Variants in PIP4K2A observed in about 807,000 individuals in gnomAD.
PIP4K2A encodes phosphatidylinositol 5-phosphate 4-kinase type-2 alpha.
Under a neutral mutation model 42.9 loss-of-function variants are expected in PIP4K2A, and 14 were observed. That is an observed-to-expected ratio of 0.33 (90% confidence interval 0.22 to 0.51). The LOEUF is 0.51. Among genes scored for constraint, PIP4K2A ranks in the 20% least tolerant of loss-of-function variants. PIP4K2A has a pLI of 0.97. For missense variants in PIP4K2A, 434 were observed against 519.8 expected, an observed-to-expected ratio of 0.83 and a Z score of 1.61; for synonymous variants, 192 against 192.2, an observed-to-expected ratio of 1.00 and a Z score of 0.01.
intron 1 of PIP4K2A, among the ~76,000 whole-genome samples, chr10:22,635,566 T>G (rs180909974): frequency 6.6e-6 from 1 of 152,162 alleles, no homozygotes; most frequent in African/African-American, 2.4e-5. Context: ...ACACTTGGAT[T>G]TGGATTCTTA....
Position 22,553,789 on chromosome 10 carries a change from C to CTT in PIP4K2A, c.679-3019_679-3018dup, listed in dbSNP as rs3074629. 1.9e-3 allele frequency among the ~76,000 whole-genome samples: 227 copies of CTT among 118,512 alleles called. 2 individuals carry two copies. Among genetic ancestry groups the CTT allele is most frequent in the African/African-American group, 3.7e-3 (117 of 31,298 alleles). 77.7% of individuals were successfully genotyped at this position (118,512 alleles called of 152,430 possible). ...GAAATGGGTATTACAGGTTGAAAAA[C>CTT]TTTTTTTTTTTTTTTTTTTTTTTTA... On this transcript the variant is annotated intron_variant, in intron 6 of 9. Transcript: ENST00000376573.
At chr10:22,636,500 C>T (rs752397198) in intron 1 of PIP4K2A, among the ~76,000 whole-genome samples, 2 of 152,166 alleles carry the variant, frequency 1.3e-5, no homozygotes, top group Non-Finnish European at 2.9e-5. Flanking sequence ...TGGCCTCAAG[C>T]GATTCTCCTG....
chr10:22,565,395 C>T (rs1836822326), intron 6 of PIP4K2A, among the ~76,000 whole-genome samples: 1 of 152,204 alleles, frequency 6.6e-6, no homozygotes, highest in African/African-American at 2.4e-5. Flanking sequence ...TAAATTAATA[C>T]TTTTGTAATT....
In PIP4K2A at chr10:22,670,474, A is replaced by T. The variant is rs146659515; in HGVS notation, c.144+43709T>A. On this transcript the variant is annotated intron_variant, in intron 1 of 9. Transcript: ENST00000376573. The stretch of plus-strand genomic sequence containing the variant: ...GTGACCTTCCTTCTATGGGGTGTTC[A>T]CTACAAAGACAGGGGTTCATTTATT... 7.7e-3 allele frequency among the ~76,000 whole-genome samples: 1,167 copies of T among 152,342 alleles called. 5 individuals are homozygous for T. The highest frequency in any genetic ancestry group is 0.012 in the Non-Finnish European group (798 of 68,028).
chr10:22,614,395 G>C (rs1307389583), intron 1 of PIP4K2A, among the ~76,000 whole-genome samples: 1 of 152,124 alleles, frequency 6.6e-6, no homozygotes, highest in African/African-American at 2.4e-5. Context: ...TGAGTAGTGC[G>C]GCAGGATACT....
intron 4 of PIP4K2A, among the ~76,000 whole-genome samples, chr10:22,587,043 C>T (rs954743363): frequency 6.6e-6 from 1 of 152,184 alleles, no homozygotes; most frequent in African/African-American, 2.4e-5. Context: ...AGTCCTTGCT[C>T]TTGAACCACC....
chr10:22,686,111 A>G (rs1457256506), intron 1 of PIP4K2A, among the ~76,000 whole-genome samples: 1 of 152,108 alleles, frequency 6.6e-6, no homozygotes, highest in East Asian at 1.9e-4. Flanking sequence ...GTGTTTATCC[A>G]TCCTGTCTAT....
chr10:22,654,715 G>A (rs1392565834), intron 1 of PIP4K2A, among the ~76,000 whole-genome samples: 1 of 152,150 alleles, frequency 6.6e-6, no homozygotes, highest in Non-Finnish European at 1.5e-5. Flanking sequence ...GACCAGGGTT[G>A]TATAATTCTG....
In PIP4K2A at chr10:22,588,952, T is replaced by G. The variant is rs1837454970; in HGVS notation, c.492+2677A>C. 2.6e-5 allele frequency among the ~76,000 whole-genome samples: 4 copies of G among 152,204 alleles called. No individual in the cohort carries two copies. The South Asian group carries it at 8.3e-4, about 31-fold the overall frequency. On this transcript the variant is annotated intron_variant, in intron 4 of 9. Transcript: ENST00000376573. Reference sequence around the variant, plus strand: ...TGTTAAAGCCCCTGGGAGGTGTCAATAGACTTATTTTGATCCCACACTTAT... The same window carrying G: ...TGTTAAAGCCCCTGGGAGGTGTCAAGAGACTTATTTTGATCCCACACTTAT...
chr10:22,568,710 G>T (rs781341772), intron 5 of PIP4K2A, among the ~76,000 whole-genome samples: 2 of 152,170 alleles, frequency 1.3e-5, no homozygotes, highest in Non-Finnish European at 2.9e-5. Context: ...AGTCCAAGCA[G>T]AGAAACTTCC....
chr10:22,675,659 A>G (rs1362174064), intron 1 of PIP4K2A, among the ~76,000 whole-genome samples: 3 of 152,222 alleles, frequency 2.0e-5, no homozygotes, highest in Admixed American at 6.5e-5. Flanking sequence ...ACAAGCCATT[A>G]TAAGTAATGA....
intron 1 of PIP4K2A, chr10:22,642,166 C>T (rs1838795522): frequency 6.6e-6 from 1 of 152,194 alleles, no homozygotes; most frequent in African/African-American, 2.4e-5. Flanking sequence ...CAGCCACATC[C>T]CTTGCTCCAC....
intron 9 of PIP4K2A, among the ~76,000 whole-genome samples, chr10:22,538,763 G>A (rs1248166950): frequency 6.6e-6 from 1 of 151,764 alleles, no homozygotes; most frequent in African/African-American, 2.4e-5. Flanking sequence ...TCTGTTGGGG[G>A]GAAGCCACCA....
chr10:22,581,015 A>G (rs72816826), intron 4 of PIP4K2A, among the ~76,000 whole-genome samples: 12,967 of 152,302 alleles, frequency 0.085, 635 homozygotes, highest in Middle Eastern at 0.22. Flanking sequence ...ACACTGAACA[A>G]TGCTGGCCGT....
chr10:22,653,691 A>G (rs992236461), intron 1 of PIP4K2A, among the ~76,000 whole-genome samples: 1 of 152,126 alleles, frequency 6.6e-6, no homozygotes, highest in South Asian at 2.1e-4. Flanking sequence ...AGGTGGGTGG[A>G]TCACTTGAGG....
intron 1 of PIP4K2A, among the ~76,000 whole-genome samples, chr10:22,637,266 G>A (rs779270501): frequency 3.3e-5 from 5 of 152,082 alleles, no homozygotes; most frequent in African/African-American, 7.2e-5. Context: ...TTTTCAAACC[G>A]TTATATCCTC....
chr10:22,567,814 C>A (rs1380813243), intron 6 of PIP4K2A, 37 bp downstream of exon 6: 3 of 1,555,848 alleles, frequency 1.9e-6, no homozygotes, highest in African/African-American at 2.7e-5. Context: ...GTGATCATGC[C>A]CCCAGGACAT....
At chr10:22,703,912 T>C (rs1372047997) in intron 1 of PIP4K2A, among the ~76,000 whole-genome samples, 1 of 152,166 alleles carries the variant, frequency 6.6e-6, no homozygotes, top group Non-Finnish European at 1.5e-5. Context: ...CTTGAGCACC[T>C]GGGTCTATGG....
chr10:22,621,208 T>A (rs908813555), intron 1 of PIP4K2A, among the ~76,000 whole-genome samples: 1 of 152,084 alleles, frequency 6.6e-6, no homozygotes, highest in Admixed American at 6.5e-5. Context: ...TAATCCAACA[T>A]CCTTTCCAGA....
Sources: allele counts gnomAD v4.1 joint callset (sites outside exome capture counted in the v4.1 genomes callset), GRCh38; gene constraint gnomAD v4.1.1; transcripts MANE v1.5; gene names NCBI Gene and HGNC (gene_info 2026-07-23, HGNC 2026-07-21).